The following ATP6V0D2 variants were observed in gnomAD, a reference collection of about 807,000 sequenced individuals.
The protein encoded by ATP6V0D2 is ATPase H+ transporting V0 subunit d2.
In ATP6V0D2, 40 loss-of-function variants were observed where a neutral mutation model predicts 40.0. That is an observed-to-expected ratio of 1.00 (90% CI 0.78 to 1.30). The LOEUF (loss-of-function observed/expected upper bound fraction) is 1.30, where lower values mean the gene tolerates loss of function less well. Among genes scored for constraint, ATP6V0D2 ranks in the 50% most tolerant of loss-of-function variants. The probability of loss-of-function intolerance (pLI) is 0.00; values close to 1 mark genes in which losing one functional copy is unlikely to be tolerated. For synonymous variants in ATP6V0D2, 179 were observed against 156.3 expected, an observed-to-expected ratio of 1.15 and a Z score of -1.08; for missense variants, 470 against 423.1, an observed-to-expected ratio of 1.11 and a Z score of -0.97.
At chr8:86,115,358 A>ACTTTTTT (rs1818579418) in intron 2 of ATP6V0D2, among the ~76,000 whole-genome samples, 1 of 73,278 alleles carries the variant, frequency 1.4e-5, no homozygotes, top group African/African-American at 5.6e-5. Flanking sequence ...CGTATCATCC[A>ACTTTTTT]TTTTTTTTTT....
At chr8:86,114,139 T>TA (rs11367022) in intron 2 of ATP6V0D2, among the ~76,000 whole-genome samples, 6 of 149,968 alleles carry the variant, frequency 4.0e-5, no homozygotes, top group Non-Finnish European at 7.4e-5. Flanking sequence ...AGTTTTCATT[T>TA]AAAAAAAAAA....
At chr8:86,105,769 C>T (rs935581333) in intron 1 of ATP6V0D2, among the ~76,000 whole-genome samples, 2 of 151,808 alleles carry the variant, frequency 1.3e-5, no homozygotes, top group African/African-American at 4.8e-5. Context: ...CACCCACCAC[C>T]ACGCCCGGCT....
intron 2 of ATP6V0D2, among the ~76,000 whole-genome samples, chr8:86,116,899 T>C (rs539030698): frequency 1.2e-4 from 18 of 152,320 alleles, no homozygotes; most frequent in African/African-American, 4.3e-4. Flanking sequence ...ATTTTCTTTT[T>C]AATTTTTGCC....
intron 2 of ATP6V0D2, among the ~76,000 whole-genome samples, chr8:86,124,390 T>C (rs1818712439): frequency 1.3e-5 from 2 of 152,188 alleles, no homozygotes; most frequent in Admixed American, 1.3e-4. Flanking sequence ...AGAAACGAAT[T>C]GAATATAGAC....
chr8:86,101,355 G>A (rs1417267193), intron 1 of ATP6V0D2, among the ~76,000 whole-genome samples: 1 of 151,218 alleles, frequency 6.6e-6, no homozygotes, highest in Non-Finnish European at 1.5e-5. Context: ...AGCTGCTTGG[G>A]AGGCTGTGGC....
At chr8:86,134,236 G>A (rs1398676579) in intron 2 of ATP6V0D2, among the ~76,000 whole-genome samples, 1 of 152,074 alleles carries the variant, frequency 6.6e-6, no homozygotes, top group Admixed American at 6.5e-5. Context: ...CAGGAATGAA[G>A]GGGAAATCAA....
rs1318292781 is a variant in ATP6V0D2, at chr8:86,101,845, A to T, written c.130+2737A>T. Among the ~76,000 whole-genome samples the T allele has an allele frequency of 2.6e-5, 4 of 152,182 alleles. No homozygotes were observed. In the East Asian group the frequency reaches 7.7e-4, roughly 29 times the overall value. ...TACTGCTTTATTGTCATTGTGTCTC[A>T]TGATTTCTAACTCTCTCTCTTCCCA... On this transcript the variant is annotated intron_variant, in intron 1 of 7. Transcript: ENST00000285393.
rs1026870277 is a variant in ATP6V0D2, at chr8:86,136,857, A to G, written c.303-2600A>G. Among the ~76,000 whole-genome samples the G allele has an allele frequency of 1.4e-4, 22 of 152,182 alleles. 3 individuals are homozygous for G. Among genetic ancestry groups the G allele is most frequent in the Admixed American group, 1.4e-3 (21 of 15,280 alleles). On this transcript the variant is annotated intron_variant, in intron 2 of 7. Transcript: ENST00000285393. ...ATCATTTTTCAAGTGTATCTCACAA[A>G]GGTGGCTAAGCTTCCCATCACTGTG...
At chr8:86,138,908 TAGTTGTTAGAATA>T (rs1818932312) in intron 2 of ATP6V0D2, among the ~76,000 whole-genome samples, 1 of 152,182 alleles carries the variant, frequency 6.6e-6, no homozygotes, top group Non-Finnish European at 1.5e-5. Flanking sequence ...TTTATTTAGT[TAGTTGTTAGAATA>T]TTGAATATGC....
intron 1 of ATP6V0D2, among the ~76,000 whole-genome samples, chr8:86,104,878 C>CACACA (rs928397464): frequency 1.3e-5 from 2 of 151,626 alleles, no homozygotes; most frequent in African/African-American, 4.9e-5. Flanking sequence ...CACACACACA[C>CACACA]ATCAAGAGCT....
chr8:86,103,510 C>A (rs955248254), intron 1 of ATP6V0D2, among the ~76,000 whole-genome samples: 1 of 151,896 alleles, frequency 6.6e-6, no homozygotes, highest in Non-Finnish European at 1.5e-5. Context: ...CAATGGTGCC[C>A]CCCTGTCAAG....
At chr8:86,113,188 T>G (rs1818547306) in intron 1 of ATP6V0D2, among the ~76,000 whole-genome samples, 2 of 151,940 alleles carry the variant, frequency 1.3e-5, no homozygotes, top group South Asian at 4.1e-4. Context: ...AATTGAAATA[T>G]TTTGTGAGGG....
At chr8:86,124,058 A>G (rs1435126965) in intron 2 of ATP6V0D2, among the ~76,000 whole-genome samples, 3 of 152,110 alleles carry the variant, frequency 2.0e-5, no homozygotes, top group East Asian at 1.9e-4. Context: ...GCTTTTTGAC[A>G]CCACCATGCC....
At chr8:86,145,253 GAGAGAAAGAA>G (rs1310137951) in intron 5 of ATP6V0D2, among the ~76,000 whole-genome samples, 82 of 45,074 alleles carry the variant, frequency 1.8e-3, no homozygotes, top group Non-Finnish European at 2.2e-3. Context: ...GAGAGAGAGA[GAGAGAAAGAA>G]AGAAAGAAAG....
At chr8:86,146,919 A>G (rs1228045423) in intron 5 of ATP6V0D2, among the ~76,000 whole-genome samples, 3 of 152,084 alleles carry the variant, frequency 2.0e-5, no homozygotes, top group Non-Finnish European at 4.4e-5. Context: ...TTGGCCAGAG[A>G]CTTCAAGAGA....
At position 86,153,087 on chromosome 8, in the gene ATP6V0D2, C is replaced by A; in HGVS notation, c.*110C>A. On this transcript the variant is annotated 3_prime_UTR_variant, in exon 8 of 8. Coordinates refer to ENST00000285393, the MANE Select transcript of ATP6V0D2 (RefSeq NM_152565.1). ...CTAGACTACACAAAAGTAAGCCACA[C>A]TATATCTTCATGAGTTGCAAATCCA... is the stretch of plus-strand genomic sequence containing the variant. The A allele has an allele frequency of 1.1e-6, 1 of 919,084 alleles. No individual in the cohort carries two copies. The highest frequency in any genetic ancestry group is 1.5e-6 in the Non-Finnish European group (1 of 653,538). 56.9% of individuals were successfully genotyped at this position (919,084 alleles called of 1,614,324 possible). A position where few individuals can be genotyped will look rare whatever the true frequency, so the allele number is the denominator to read the frequency against.
At chr8:86,140,424 C>T (rs1409934467) in intron 3 of ATP6V0D2, among the ~76,000 whole-genome samples, 2 of 152,150 alleles carry the variant, frequency 1.3e-5, no homozygotes, top group East Asian at 3.9e-4. Context: ...CAACCATGAG[C>T]ATGAAACCAG....
chr8:86,146,690 T>C (rs971917817), intron 5 of ATP6V0D2, among the ~76,000 whole-genome samples: 3 of 152,158 alleles, frequency 2.0e-5, no homozygotes, highest in African/African-American at 4.8e-5. Context: ...AGATCCTGTC[T>C]CTAAGAAATA....
intron 1 of ATP6V0D2, among the ~76,000 whole-genome samples, chr8:86,112,021 T>A (rs112896159): frequency 6.6e-6 from 1 of 152,212 alleles, no homozygotes; most frequent in Non-Finnish European, 1.5e-5. Context: ...AATAGATGCT[T>A]AATAAATGTT....
Sources: gnomAD v4.1 joint callset for allele counts (sites outside exome capture counted in the v4.1 genomes callset) on GRCh38, gnomAD v4.1.1 for gene constraint, MANE v1.5 for transcripts, NCBI Gene and HGNC (gene_info 2026-07-23, HGNC 2026-07-21) for gene names.